STK32B: variants seen among roughly 807,000 people sequenced by gnomAD.
The protein encoded by STK32B is serine/threonine-protein kinase 32B.
A neutral mutation model predicts 52.6 loss-of-function variants in STK32B; 43 were observed. That is an observed-to-expected ratio of 0.82 (90% confidence interval 0.64 to 1.05). The LOEUF is 1.05. STK32B is among the 50% of genes least tolerant of loss of function. The probability of loss-of-function intolerance (pLI) is 0.00; values close to 1 mark genes in which losing one functional copy is unlikely to be tolerated. For synonymous variants in STK32B, 238 were observed against 204.3 expected, an observed-to-expected ratio of 1.17 and a Z score of -1.41; for missense variants, 621 against 534.6, an observed-to-expected ratio of 1.16 and a Z score of -1.59.
intron 3 of STK32B, among the ~76,000 whole-genome samples, chr4:5,268,465 G>A (rs918634302): frequency 9.9e-5 from 15 of 151,808 alleles, no homozygotes; most frequent in African/African-American, 2.4e-4. Context: ...ATGTTTGTCC[G>A]GCTGTTTTCC....
chr4:5,493,360 T>G (rs1260274923), intron 11 of STK32B, among the ~76,000 whole-genome samples: 2 of 152,216 alleles, frequency 1.3e-5, no homozygotes, highest in Admixed American at 6.5e-5. Context: ...TTCTAGTTTA[T>G]TTGCGTAGAG....
chr4:5,188,213 T>G (rs1189541915), intron 3 of STK32B, among the ~76,000 whole-genome samples: 1 of 152,062 alleles, frequency 6.6e-6, no homozygotes, highest in Non-Finnish European at 1.5e-5. Context: ...TAGTGGGAGG[T>G]GGCGGCTGTG....
chr4:5,270,697 G>A (rs1727367874), intron 3 of STK32B, among the ~76,000 whole-genome samples: 1 of 152,120 alleles, frequency 6.6e-6, no homozygotes, highest in South Asian at 2.1e-4. Context: ...GAAGGGCATA[G>A]CTATTTCTGT....
At chr4:5,445,886 A>G (rs1294717261) in intron 6 of STK32B, among the ~76,000 whole-genome samples, 1 of 149,762 alleles carries the variant, frequency 6.7e-6, no homozygotes, top group East Asian at 2.0e-4. Flanking sequence ...GGATTTACTC[A>G]TTGTGGGTAT....
chr4:5,100,711 TTCC>T (rs1199260482), intron 1 of STK32B, among the ~76,000 whole-genome samples: 1 of 41,540 alleles, frequency 2.4e-5, no homozygotes, highest in African/African-American at 1.1e-4. Context: ...CCTTCCTTTC[TTCC>T]TTCCCTCCTT....
At chr4:5,320,787 T>C (rs58311094) in intron 3 of STK32B, among the ~76,000 whole-genome samples, 10,156 of 152,288 alleles carry the variant, frequency 0.067, 591 homozygotes, top group African/African-American at 0.16. Flanking sequence ...AGCAGATGGA[T>C]ATCCTATCTA....
intron 5 of STK32B, 30 bp from the exon 6 acceptor site, chr4:5,416,815 T>C: frequency 1.2e-6 from 2 of 1,606,484 alleles, no homozygotes; most frequent in East Asian, 4.5e-5. Flanking sequence ...CAGCCCACGC[T>C]AACTGGAGTT....
chr4:5,399,473 A>T lies in STK32B; in HGVS notation c.472+1229A>T, dbSNP rs1465975227. On this transcript the variant is annotated intron_variant, in intron 5 of 11. Transcript: ENST00000282908. This position sits in a 1 kb window ranked among gnomAD's most constrained non-coding sequence, Gnocchi z 5.4. The stretch of plus-strand genomic sequence containing the variant: ...CATCTCTGCATCAGATGCTGGAACC[A>T]GACTAAGTGCTTTGGGGGCAGTAGG... Among the ~76,000 whole-genome samples, 1 of 152,180 alleles carries T rather than the reference A, an allele frequency of 6.6e-6. No individual in the cohort carries two copies. The highest frequency in any genetic ancestry group is 1.5e-5 in the Non-Finnish European group (1 of 68,040).
intron 3 of STK32B, among the ~76,000 whole-genome samples, chr4:5,210,511 A>G (rs1350365005): frequency 6.6e-6 from 1 of 152,134 alleles, no homozygotes; most frequent in Non-Finnish European, 1.5e-5. Flanking sequence ...CCGAAGACAA[A>G]CCTGCACTGT....
intron 1 of STK32B, among the ~76,000 whole-genome samples, chr4:5,110,328 A>C (rs958484509): frequency 6.6e-6 from 1 of 151,984 alleles, no homozygotes; most frequent in Non-Finnish European, 1.5e-5. Flanking sequence ...AAAATGAACA[A>C]ATCTAGAGAC....
intron 3 of STK32B, among the ~76,000 whole-genome samples, chr4:5,307,159 A>C (rs1729976387): frequency 6.6e-6 from 1 of 151,982 alleles, no homozygotes. Context: ...TGTTTTTTGA[A>C]CTTGTTGTAT....
intron 1 of STK32B, among the ~76,000 whole-genome samples, chr4:5,089,785 T>C (rs76980922): frequency 6.6e-6 from 1 of 152,218 alleles, no homozygotes; most frequent in African/African-American, 2.4e-5. Context: ...CAATACTGTC[T>C]TCTACCATGG....
At chr4:5,114,110 C>G (rs1368863300) in intron 1 of STK32B, among the ~76,000 whole-genome samples, 1 of 152,062 alleles carries the variant, frequency 6.6e-6, no homozygotes, top group Non-Finnish European at 1.5e-5. Flanking sequence ...CAAACCATAT[C>G]ACTACCTCAT....
intron 2 of STK32B, among the ~76,000 whole-genome samples, chr4:5,165,332 T>C (rs1165044568): frequency 1.3e-5 from 2 of 152,208 alleles, no homozygotes; most frequent in African/African-American, 4.8e-5. Context: ...ATTGAAATCA[T>C]GAGTTCTCCT....
At chr4:5,181,359 CACACACACAG>C (rs200706360) in intron 3 of STK32B, among the ~76,000 whole-genome samples, 27,474 of 150,860 alleles carry the variant, frequency 0.18, 3,113 homozygotes, top group East Asian at 0.3. Context: ...CACACACACA[CACACACACAG>C]AGATCTCATT....
chr4:5,297,360 C>G (rs747470719), intron 3 of STK32B, among the ~76,000 whole-genome samples: 4 of 152,106 alleles, frequency 2.6e-5, no homozygotes, highest in Non-Finnish European at 5.9e-5. Flanking sequence ...TGGATAATAA[C>G]CTGAAGTGTG....
intron 1 of STK32B, among the ~76,000 whole-genome samples, chr4:5,117,060 C>CTA (rs1257607641): frequency 6.6e-6 from 1 of 152,100 alleles, no homozygotes; most frequent in Non-Finnish European, 1.5e-5. Flanking sequence ...TTAGAATTTT[C>CTA]TATATATAAG....
At chr4:5,478,696 G>A (rs1006642501) in intron 11 of STK32B, among the ~76,000 whole-genome samples, 12 of 152,194 alleles carry the variant, frequency 7.9e-5, no homozygotes, top group Admixed American at 7.9e-4. Context: ...GGGTAGAGAC[G>A]CCACAGAGGC....
chr4:5,241,385 T>C (rs914623201), intron 3 of STK32B, among the ~76,000 whole-genome samples: 5 of 152,150 alleles, frequency 3.3e-5, no homozygotes, highest in Non-Finnish European at 5.9e-5. Flanking sequence ...TAATTTTCTT[T>C]AACATCTGTC....
Sources: gnomAD v4.1 joint callset for allele counts (sites outside exome capture counted in the v4.1 genomes callset) on GRCh38, gnomAD v4.1.1 for gene constraint, Gnocchi (gnomAD v3.1) non-coding constraint, MANE v1.5 for transcripts, NCBI Gene and HGNC (gene_info 2026-07-23, HGNC 2026-07-21) for gene names.